Variants in STARD13 observed in about 807,000 individuals in gnomAD.
The protein encoded by STARD13 is stAR-related lipid transfer protein 13.
A neutral mutation model predicts 106.4 loss-of-function variants in STARD13; 62 were observed. The observed-to-expected ratio is 0.58, with a 90% CI of 0.48 to 0.72. The LOEUF is 0.72. Ranked by LOEUF, STARD13 falls within the 30% of genes least tolerant of loss-of-function variation. STARD13 has a pLI of 0.00. For missense variants in STARD13, 1,387 were observed against 1,424.0 expected, an observed-to-expected ratio of 0.97 and a Z score of 0.42; for synonymous variants, 565 against 553.0, an observed-to-expected ratio of 1.02 and a Z score of -0.31.
At chr13:33,523,733 A>G in the STARD13 span, among the ~76,000 whole-genome samples, 1 of 152,152 alleles carries the variant, frequency 6.6e-6, no homozygotes, top group Non-Finnish European at 1.5e-5. Flanking sequence ...AAAACTCTGT[A>G]TATTATTTTG....
chr13:33,558,536 C>A, the STARD13 span, among the ~76,000 whole-genome samples: 1 of 150,232 alleles, frequency 6.7e-6, no homozygotes, highest in Non-Finnish European at 1.5e-5. Context: ...CCTATCTGTA[C>A]GGTAGAGAGA....
chr13:33,501,412 G>A, the STARD13 span, among the ~76,000 whole-genome samples: 4 of 152,080 alleles, frequency 2.6e-5, no homozygotes, highest in East Asian at 3.9e-4. Flanking sequence ...GTCTATTTTG[G>A]CTTTTATTGC....
At chr13:33,571,771 T>C in the STARD13 span, among the ~76,000 whole-genome samples, 1 of 152,146 alleles carries the variant, frequency 6.6e-6, no homozygotes, top group Non-Finnish European at 1.5e-5. Flanking sequence ...GTCACAGAAA[T>C]AACTGCTTGC....
Position 33,134,366 on chromosome 13 carries a change from A to G in STARD13, c.388-4077T>C, listed in dbSNP as rs191927408. ...CACATCCAAAGCTGTCCTGGGCCAC[A>G]TATAGCCCGTGAGCCATGGGTTGGA... On this transcript the variant is annotated intron_variant, in intron 4 of 13. Transcript: ENST00000336934. 1.3e-4 allele frequency among the ~76,000 whole-genome samples: 20 copies of G among 152,360 alleles called. No homozygotes were observed. The South Asian group carries it at 1.9e-3, about 14-fold the overall frequency.
chr13:33,436,075 C>T, the STARD13 span, among the ~76,000 whole-genome samples: 1 of 152,086 alleles, frequency 6.6e-6, no homozygotes. Flanking sequence ...CACAATGAAG[C>T]TGAGAAGGTG....
intron 3 of STARD13, among the ~76,000 whole-genome samples, chr13:33,160,672 G>T (rs988861932): frequency 2.0e-5 from 3 of 152,142 alleles, no homozygotes; most frequent in African/African-American, 7.2e-5. Flanking sequence ...TGGTAAATAA[G>T]CACATATTCA....
intron 1 of STARD13, among the ~76,000 whole-genome samples, chr13:33,320,968 G>A (rs1310905667): frequency 6.6e-6 from 1 of 152,122 alleles, no homozygotes; most frequent in African/African-American, 2.4e-5. Flanking sequence ...AGTTCTGGAT[G>A]TATATTAATA....
upstream of STARD13, among the ~76,000 whole-genome samples, chr13:33,286,592 G>A (rs973752411): frequency 6.6e-6 from 1 of 152,172 alleles, no homozygotes; most frequent in Non-Finnish European, 1.5e-5. Context: ...CTTCTAACAT[G>A]AGGCCATATA....
In STARD13 at chr13:33,285,455, C is replaced by A. The variant is rs377217314; in HGVS notation, c.169+15G>T. 1 of 1,609,452 alleles carries A rather than the reference C, an allele frequency of 6.2e-7. No individual in the cohort carries two copies. Among genetic ancestry groups the A allele is most frequent in the African/African-American group, 1.3e-5 (1 of 74,858 alleles). ...AATCAGAATGAGCAACAGCCTTCCA[C>A]TGCCGGCCACTCACCTTGTTGAATT... On this transcript the variant is annotated intron_variant, in intron 1 of 13. Coordinates refer to ENST00000336934, the MANE Select transcript of STARD13 (RefSeq NM_178006.4).
intron 8 of STARD13, among the ~76,000 whole-genome samples, chr13:33,114,094 TA>T (rs1351667007): frequency 6.6e-6 from 1 of 152,202 alleles, no homozygotes; most frequent in East Asian, 1.9e-4. Flanking sequence ...TCTTACCCAT[TA>T]AAAATACTGA....
the STARD13 span, among the ~76,000 whole-genome samples, chr13:33,528,158 C>T: frequency 7.2e-6 from 1 of 138,208 alleles, no homozygotes; most frequent in Non-Finnish European, 1.5e-5. Context: ...TTTTCCCCAG[C>T]TAAGCTAATA....
intron 1 of STARD13, among the ~76,000 whole-genome samples, chr13:33,254,871 G>A (rs1403302160): frequency 6.6e-6 from 1 of 152,126 alleles, no homozygotes; most frequent in Non-Finnish European, 1.5e-5. Flanking sequence ...CCATCACTCA[G>A]TAAAACTCCC....
At chr13:33,161,343 C>T (rs1227393286) in intron 3 of STARD13, among the ~76,000 whole-genome samples, 11 of 150,950 alleles carry the variant, frequency 7.3e-5, no homozygotes, top group African/African-American at 2.7e-4. Context: ...GAGACAGAGT[C>T]CTGCTCTATT....
intron 1 of STARD13, among the ~76,000 whole-genome samples, chr13:33,251,286 A>T (rs899163731): frequency 6.6e-5 from 10 of 152,282 alleles, no homozygotes; most frequent in African/African-American, 2.4e-4. Context: ...GCCTGCCAGG[A>T]TGATCAAATG....
the STARD13 span, among the ~76,000 whole-genome samples, chr13:33,472,614 C>T: frequency 6.6e-6 from 1 of 152,044 alleles, no homozygotes; most frequent in Non-Finnish European, 1.5e-5. Flanking sequence ...AAAATTGCTG[C>T]ATTAAGAATC....
At chr13:33,574,389 A>G in the STARD13 span, among the ~76,000 whole-genome samples, 8 of 152,194 alleles carry the variant, frequency 5.3e-5, no homozygotes, top group African/African-American at 1.9e-4. Flanking sequence ...AGTATTTATC[A>G]GATTATAGAT....
At chr13:33,593,243 G>A in the STARD13 span, among the ~76,000 whole-genome samples, 1 of 151,856 alleles carries the variant, frequency 6.6e-6, no homozygotes, top group East Asian at 1.9e-4. Flanking sequence ...GGAGTGCAGT[G>A]GCAGGATCTC....
At chr13:33,171,650 GT>G (rs1179550691) in intron 1 of STARD13, among the ~76,000 whole-genome samples, 4 of 152,190 alleles carry the variant, frequency 2.6e-5, no homozygotes, top group African/African-American at 9.7e-5. Flanking sequence ...CCCCATCCCT[GT>G]TAGTCTAAGG....
chr13:33,535,400 A>G, the STARD13 span, among the ~76,000 whole-genome samples: 2 of 152,246 alleles, frequency 1.3e-5, no homozygotes, highest in African/African-American at 4.8e-5. Flanking sequence ...TTCTTGAACT[A>G]TAACAATTTC....
Sources: gnomAD v4.1 joint callset for allele counts (sites outside exome capture counted in the v4.1 genomes callset) on GRCh38, gnomAD v4.1.1 for gene constraint, MANE v1.5 for transcripts, NCBI Gene and HGNC (gene_info 2026-07-23, HGNC 2026-07-21) for gene names.